Variants in INTU observed in about 807,000 individuals in gnomAD.
The protein encoded by INTU is protein inturned.
A neutral mutation model predicts 100.5 loss-of-function variants in INTU; 68 were observed. That is an observed-to-expected ratio of 0.68 (90% CI 0.56 to 0.83). The LOEUF (loss-of-function observed/expected upper bound fraction) is 0.83. Among genes scored for constraint, INTU ranks in the 40% least tolerant of loss-of-function variants. INTU has a pLI of 0.00. For synonymous variants in INTU, 357 were observed against 395.7 expected (o/e 0.90, Z 1.16); for missense variants, 1,071 against 1,114.7 (o/e 0.96, Z 0.56).
chr4:127,697,626 A>G (rs1730451960), intron 8 of INTU, among the ~76,000 whole-genome samples: 1 of 152,122 alleles, frequency 6.6e-6, no homozygotes, highest in Non-Finnish European at 1.5e-5. Flanking sequence ...CTGTGTTGTC[A>G]TAAATAACAG....
chr4:127,639,493 G>C (rs1241680996), intron 1 of INTU, among the ~76,000 whole-genome samples: 1 of 152,008 alleles, frequency 6.6e-6, no homozygotes, highest in African/African-American at 2.4e-5. Context: ...TGAAAGGTTA[G>C]GTTTTTGTGG....
intron 5 of INTU, among the ~76,000 whole-genome samples, chr4:127,671,177 C>A (rs1194259299): frequency 6.6e-6 from 1 of 151,926 alleles, no homozygotes; most frequent in Non-Finnish European, 1.5e-5. Context: ...CAATAGATAG[C>A]CTGCGGAATG....
At chr4:127,696,073 T>G (rs1192145295) in intron 8 of INTU, among the ~76,000 whole-genome samples, 1 of 152,126 alleles carries the variant, frequency 6.6e-6, no homozygotes, top group Non-Finnish European at 1.5e-5. Flanking sequence ...TTTTTAGACA[T>G]TGTTGGATTC....
In INTU at chr4:127,721,227, T is replaced by C. The variant is rs1208950131; in HGVS notation, c.*4791T>C. The C allele has an allele frequency of 6.6e-6, 1 of 152,226 alleles. No homozygotes were observed. The highest frequency in any genetic ancestry group is 1.5e-5 in the Non-Finnish European group (1 of 68,042). 9.4% of individuals were successfully genotyped at this position (152,226 alleles called of 1,614,324 possible). A position where few individuals can be genotyped will look rare whatever the true frequency, so the allele number is the denominator to read the frequency against. On this transcript the variant is annotated 3_prime_UTR_variant, in exon 16 of 16. Transcript: ENST00000335251. ...AAAGATTTTATTTCTCCTTCACTTA[T>C]GAAGCTTAGTTCAGCCAGATATGAA...
intron 8 of INTU, among the ~76,000 whole-genome samples, chr4:127,698,685 T>G (rs1730506814): frequency 1.3e-5 from 2 of 152,202 alleles, no homozygotes; most frequent in Admixed American, 1.3e-4. Flanking sequence ...CAATCATATT[T>G]TCCTAGGGTA....
At chr4:127,693,781 T>C (rs1421361744) in intron 8 of INTU, among the ~76,000 whole-genome samples, 2 of 152,012 alleles carry the variant, frequency 1.3e-5, no homozygotes, top group Non-Finnish European at 1.5e-5. Context: ...TTTAATCATA[T>C]AAGGATGCCG....
At chr4:127,640,554 T>C (rs1004488720) in intron 1 of INTU, among the ~76,000 whole-genome samples, 7 of 34,322 alleles carry the variant, frequency 2.0e-4, no homozygotes, top group African/African-American at 7.9e-4. Flanking sequence ...TATATATATA[T>C]ATATATATAT....
intron 6 of INTU, chr4:127,675,857 C>A: frequency 3.7e-6 from 1 of 269,700 alleles, no homozygotes; most frequent in South Asian, 3.4e-5. Flanking sequence ...AAAAGTGATA[C>A]ACTGCCATTT....
At chr4:127,681,915 C>A (rs1729579698) in intron 6 of INTU, among the ~76,000 whole-genome samples, 2 of 151,928 alleles carry the variant, frequency 1.3e-5, no homozygotes, top group African/African-American at 2.4e-5. Flanking sequence ...AAGAAAAAAA[C>A]AAACAACCCC....
intron 7 of INTU, chr4:127,685,744 C>T: frequency 4.6e-6 from 1 of 217,162 alleles, no homozygotes; most frequent in Non-Finnish European, 9.3e-6. Context: ...TTCATAAAAC[C>T]AGAGATTATC....
intron 1 of INTU, among the ~76,000 whole-genome samples, chr4:127,635,251 A>C (rs1223425793): frequency 6.6e-6 from 1 of 152,124 alleles, no homozygotes; most frequent in East Asian, 1.9e-4. Flanking sequence ...TTTGTTAGAG[A>C]ATAAGAGTTT....
chr4:127,644,149 A>G (rs1211968831), intron 2 of INTU, 93 bp downstream of exon 2: 14 of 1,267,466 alleles, frequency 1.1e-5, no homozygotes, highest in Non-Finnish European at 1.5e-5. Context: ...AATTATATAC[A>G]GTCTCCACAG....
rs1731385422 is a variant in INTU, at chr4:127,724,114, T to G, written c.*7678T>G. On this transcript the variant is annotated 3_prime_UTR_variant, in exon 16 of 16. Coordinates refer to ENST00000335251, the MANE Select transcript of INTU (RefSeq NM_015693.4). ...AGTTAACTAAAATTCTATGGTGACT[T>G]CTTTTATAAAATACTAATTTTTGGC... The G allele has an allele frequency of 1.3e-5, 2 of 152,000 alleles. No homozygotes were observed. The highest frequency in any genetic ancestry group is 6.6e-5 in the Admixed American group (1 of 15,258). The allele number at this position is 152,000 out of a possible 1,614,324, so 9.4% of individuals were successfully genotyped here. A position where few individuals can be genotyped will look rare whatever the true frequency, so the allele number is the denominator to read the frequency against.
chr4:127,677,645 C>T (rs367904865), intron 6 of INTU, among the ~76,000 whole-genome samples: 39 of 151,628 alleles, frequency 2.6e-4, no homozygotes, highest in East Asian at 1.8e-3. Context: ...ACCACAAAGA[C>T]GGGGAAAAAA....
chr4:127,716,351 A>G lies in INTU; in HGVS notation c.2744A>G (p.Gln915Arg). 1 of 1,577,210 alleles carries G rather than the reference A, an allele frequency of 6.3e-7. No individual in the cohort carries two copies. Among genetic ancestry groups the G allele is most frequent in the Non-Finnish European group, 8.6e-7 (1 of 1,161,538 alleles). ...VGRLFLHPKPQELYVCFHDSV... is the reference protein window; with the variant it reads ...VGRLFLHPKPRELYVCFHDSV... ...AGACTTTTTCTTCATCCAAAACCTC[A>G]AGAACTTTATGTCTGTTTTCATGAC... The change falls in exon 16 of 16, where the codon CAA (glutamine) becomes CGA (arginine). Residue 915 changes from glutamine (Q) to arginine (R), a missense_variant. Physicochemically the swap from Gln to Arg is conservative, Grantham distance 43. Transcript: ENST00000335251.
At chr4:127,707,392 CA>C (rs71587331) in intron 12 of INTU, among the ~76,000 whole-genome samples, 264 of 44,574 alleles carry the variant, frequency 5.9e-3, no homozygotes, top group Middle Eastern at 0.025. Flanking sequence ...GACTCTGTCT[CA>C]AAAAAAAAAA....
At chr4:127,638,764 G>A (rs1727183456) in intron 1 of INTU, among the ~76,000 whole-genome samples, 1 of 152,040 alleles carries the variant, frequency 6.6e-6, no homozygotes, top group Non-Finnish European at 1.5e-5. Flanking sequence ...AACGTTGCTG[G>A]CAGGCTATAA....
intron 4 of INTU, among the ~76,000 whole-genome samples, chr4:127,667,451 A>G (rs557046029): frequency 7.9e-5 from 12 of 152,240 alleles, no homozygotes; most frequent in African/African-American, 1.4e-4. Flanking sequence ...TTTAACTGGT[A>G]TGGCTTAATT....
intron 7 of INTU, 53 bp downstream of exon 7, chr4:127,684,539 ATCT>A (rs747786011): frequency 1.5e-4 from 155 of 1,046,172 alleles, no homozygotes; most frequent in Middle Eastern, 6.1e-4. Flanking sequence ...ATTCTAAGTC[ATCT>A]TCTGCATTTA....
Sources: allele counts gnomAD v4.1 joint callset (sites outside exome capture counted in the v4.1 genomes callset), GRCh38; gene constraint gnomAD v4.1.1; transcripts MANE v1.5; gene names NCBI Gene and HGNC (gene_info 2026-07-23, HGNC 2026-07-21).